Variants in TMEM229B observed in about 807,000 individuals in gnomAD.
TMEM229B encodes transmembrane protein 229B.
Under a neutral mutation model 13.7 loss-of-function variants are expected in TMEM229B, and 6 were observed. The observed-to-expected ratio is 0.44, with a 90% CI of 0.24 to 0.86. The LOEUF (loss-of-function observed/expected upper bound fraction) is 0.86. Among genes scored for constraint, TMEM229B ranks in the 40% least tolerant of loss-of-function variants. The pLI is 0.23. For synonymous variants in TMEM229B, 107 were observed against 102.1 expected, an observed-to-expected ratio of 1.05 and a Z score of -0.29; for missense variants, 170 against 236.0, an observed-to-expected ratio of 0.72 and a Z score of 1.83.
rs1176848306 is a variant in TMEM229B at position 67,473,536 on chromosome 14, T to A, written c.388A>T (p.Ile130Phe). 2 of 1,613,906 alleles carry A rather than the reference T, an allele frequency of 1.2e-6. No homozygotes were observed. Among genetic ancestry groups the A allele is most frequent in the African/African-American group, 2.7e-5 (2 of 74,902 alleles). ...TTGCGGATGATGAACTGCTCCATGA[T>A]GAGGGCCCCGCAGAACCAGGGCACG... ...YAVPWFCGALIMEQFIIRNTL... is the reference protein window; with the variant it reads ...YAVPWFCGALFMEQFIIRNTL... Residue 130 changes from isoleucine (I) to phenylalanine (F), a missense_variant, in exon 3 of 3, where the codon ATC becomes TTC. Ile to Phe is a conservative substitution (Grantham distance 21, BLOSUM62 0). Coordinates refer to ENST00000554480, the MANE Select transcript of TMEM229B (RefSeq NM_001348543.2). This position sits in a 1 kb window ranked among gnomAD's most constrained non-coding sequence, Gnocchi z 6.5.
chr14:67,474,276 CAG>C (rs1248233250), intron 2 of TMEM229B, among the ~76,000 whole-genome samples: 4 of 136,302 alleles, frequency 2.9e-5, no homozygotes, highest in Non-Finnish European at 4.8e-5. Context: ...AAAAAAAAAA[CAG>C]AGCAAAGAAC....
chr14:67,494,277 AC>A (rs1481365911), intron 1 of TMEM229B, among the ~76,000 whole-genome samples: 1 of 152,250 alleles, frequency 6.6e-6, no homozygotes. Context: ...ATTCCTTTTG[AC>A]AAAGGATAAG....
chr14:67,475,974 A>C (rs769031279), intron 2 of TMEM229B, among the ~76,000 whole-genome samples: 9 of 152,220 alleles, frequency 5.9e-5, no homozygotes, highest in Admixed American at 1.3e-4. Context: ...CGTCCTGGGC[A>C]GGCCCTCTCT....
At position 67,473,541 on chromosome 14, in the gene TMEM229B, G is replaced by A; in HGVS notation, c.383C>T (p.Ala128Val). The A allele has an allele frequency of 6.2e-7, 1 of 1,614,050 alleles. No individual in the cohort carries two copies. Among genetic ancestry groups the A allele is most frequent in the Non-Finnish European group, 8.5e-7 (1 of 1,179,946 alleles). The change falls in exon 3 of 3, where the codon GCC becomes GTC. Residue 128 changes from alanine to valine, a missense_variant. By Grantham distance (64) the Ala-to-Val change is moderately conservative (BLOSUM62 0). Coordinates refer to ENST00000554480, the MANE Select transcript of TMEM229B (RefSeq NM_001348543.2). This position sits in a 1 kb window ranked among gnomAD's most constrained non-coding sequence, Gnocchi z 6.5. ...GATGATGAACTGCTCCATGATGAGGGCCCCGCAGAACCAGGGCACGGCGTA... is the reference window on the plus strand; with the variant it reads ...GATGATGAACTGCTCCATGATGAGGACCCCGCAGAACCAGGGCACGGCGTA... ...LEYAVPWFCG[A>V]LIMEQFIIRN...
At chr14:67,498,368 G>A (rs1257709621) in intron 1 of TMEM229B, among the ~76,000 whole-genome samples, 1 of 152,134 alleles carries the variant, frequency 6.6e-6, no homozygotes, top group East Asian at 1.9e-4. Context: ...TGAGTTTTGT[G>A]AGTTGATTTT....
chr14:67,512,168 A>G (rs1045467749), intron 1 of TMEM229B, among the ~76,000 whole-genome samples: 1 of 152,208 alleles, frequency 6.6e-6, no homozygotes, highest in South Asian at 2.1e-4. Context: ...TCCCCAACAC[A>G]TGCATTCTCA....
rs577792610 is a variant in TMEM229B at position 67,507,836 on chromosome 14, C to T, written c.-192+7250G>A. 5.3e-5 allele frequency among the ~76,000 whole-genome samples: 8 copies of T among 152,218 alleles called. No individual in the cohort carries two copies. In the South Asian group the frequency reaches 1.4e-3, roughly 28 times the overall value. Reference sequence around the variant, plus strand: ...CCACCTCTCAGCTGCCCCACTGAAGCGGTTAAAAGAGCAATGACTGGGCTG... The same window carrying T: ...CCACCTCTCAGCTGCCCCACTGAAGTGGTTAAAAGAGCAATGACTGGGCTG... On this transcript the variant is annotated intron_variant, in intron 1 of 2. Transcript: ENST00000357461.
At chr14:67,517,986 A>T (rs1053046440), upstream of TMEM229B, among the ~76,000 whole-genome samples, 1 of 152,208 alleles carries the variant, frequency 6.6e-6, no homozygotes, top group Admixed American at 6.5e-5. Context: ...CATCTGTAAC[A>T]GTAAGGGGCC....
chr14:67,512,222 C>T (rs2033051909), intron 1 of TMEM229B, among the ~76,000 whole-genome samples: 1 of 152,188 alleles, frequency 6.6e-6, no homozygotes, highest in Admixed American at 6.5e-5. Context: ...ACTCAGTTTC[C>T]CTAAGGGGAA....
chr14:67,484,065 G>GCTGT (rs1204993271), intron 2 of TMEM229B, among the ~76,000 whole-genome samples: 1 of 152,218 alleles, frequency 6.6e-6, no homozygotes, highest in Non-Finnish European at 1.5e-5. Context: ...TCTCAGCTGA[G>GCTGT]CTGTCATATC....
chr14:67,470,711 C>T lies in TMEM229B; in HGVS notation c.*2709G>A, dbSNP rs2030655463. Reference sequence around the variant, plus strand: ...TGAATAAGCATAGGCCATTGTGACTCACTGGCATTGAAGAGGGGACAGGGC... The same window carrying T: ...TGAATAAGCATAGGCCATTGTGACTTACTGGCATTGAAGAGGGGACAGGGC... On this transcript the variant is annotated 3_prime_UTR_variant, in exon 3 of 3. Transcript: ENST00000554480. 6.6e-6 allele frequency: 1 copy of T among 152,220 alleles called. No individual in the cohort carries two copies. The highest frequency in any genetic ancestry group is 6.6e-5 in the Admixed American group (1 of 15,250). 9.4% of individuals were successfully genotyped at this position (152,220 alleles called of 1,614,324 possible). A position where few individuals can be genotyped will look rare whatever the true frequency, so the allele number is the denominator to read the frequency against.
chr14:67,475,648 G>A (rs2031141073), intron 2 of TMEM229B, among the ~76,000 whole-genome samples: 1 of 152,196 alleles, frequency 6.6e-6, no homozygotes, highest in African/African-American at 2.4e-5. Flanking sequence ...ATTAAATGGG[G>A]TTTTGGTGTT....
At chr14:67,490,090 TGGA>T (rs941818213), upstream of TMEM229B, among the ~76,000 whole-genome samples, 3 of 152,090 alleles carry the variant, frequency 2.0e-5, no homozygotes, top group African/African-American at 7.2e-5. Flanking sequence ...ACAGGCAAGG[TGGA>T]GAAGGGCCCA....
At chr14:67,506,865 T>C (rs1282722999) in intron 1 of TMEM229B, among the ~76,000 whole-genome samples, 1 of 152,074 alleles carries the variant, frequency 6.6e-6, no homozygotes, top group African/African-American at 2.4e-5. Flanking sequence ...GCACCTGTAG[T>C]CCCAGCTACT....
chr14:67,511,740 C>T (rs1219863674), intron 1 of TMEM229B, among the ~76,000 whole-genome samples: 1 of 152,204 alleles, frequency 6.6e-6, no homozygotes, highest in Non-Finnish European at 1.5e-5. Context: ...CTCCGCTCCA[C>T]TACATTTATA....
At chr14:67,502,680 G>C (rs183545172) in intron 1 of TMEM229B, among the ~76,000 whole-genome samples, 1 of 151,946 alleles carries the variant, frequency 6.6e-6, no homozygotes, top group Non-Finnish European at 1.5e-5. Context: ...TCAAACTCCC[G>C]ACCTCAGGTG....
intron 1 of TMEM229B, among the ~76,000 whole-genome samples, chr14:67,501,044 TTAATAATAATAATAATAA>T (rs71129826): frequency 5.1e-5 from 7 of 137,384 alleles, no homozygotes; most frequent in South Asian, 2.5e-4. Context: ...TACTTGGGGG[TTAATAATAATAATAATAA>T]TAATAATAAT....
At chr14:67,513,062 A>G (rs983274511) in intron 1 of TMEM229B, among the ~76,000 whole-genome samples, 1 of 152,222 alleles carries the variant, frequency 6.6e-6, no homozygotes, top group Non-Finnish European at 1.5e-5. Context: ...TGAGGGTCTT[A>G]AATCACTTTA....
At chr14:67,489,948 C>T (rs1244967883), upstream of TMEM229B, among the ~76,000 whole-genome samples, 1 of 151,848 alleles carries the variant, frequency 6.6e-6, no homozygotes, top group African/African-American at 2.4e-5. Flanking sequence ...TGAGACCACG[C>T]CACTGCACTC....
Sources: allele counts gnomAD v4.1 joint callset (sites outside exome capture counted in the v4.1 genomes callset), GRCh38; gene constraint gnomAD v4.1.1; non-coding constraint Gnocchi (gnomAD v3.1); transcripts MANE v1.5; gene names NCBI Gene and HGNC (gene_info 2026-07-23, HGNC 2026-07-21).